The following ZDHHC20 variants were observed in gnomAD, a reference collection of about 807,000 sequenced individuals.
ZDHHC20 encodes the protein zDHHC palmitoyltransferase 20.
Under a neutral mutation model 57.8 loss-of-function variants are expected in ZDHHC20, and 43 were observed. The observed-to-expected ratio is 0.74, with a 90% confidence interval of 0.58 to 0.96. ZDHHC20 has a LOEUF of 0.96. Among genes scored for constraint, ZDHHC20 ranks in the 40% least tolerant of loss-of-function variants. ZDHHC20 has a pLI of 0.00. For missense variants in ZDHHC20, 391 were observed against 441.1 expected (o/e 0.89, Z 1.02); for synonymous variants, 157 against 153.0 (o/e 1.03, Z -0.19).
intron 3 of ZDHHC20, among the ~76,000 whole-genome samples, chr13:21,417,388 C>T (rs1338253903): frequency 6.6e-6 from 1 of 152,162 alleles, no homozygotes; most frequent in East Asian, 1.9e-4. Flanking sequence ...AAAGACACCC[C>T]ACCCGTATTT....
At chr13:21,400,314 T>C (rs1003414399) in intron 7 of ZDHHC20, 59 bp downstream of exon 7, 1 of 1,445,186 alleles carries the variant, frequency 6.9e-7, no homozygotes, top group Non-Finnish European at 9.3e-7. Flanking sequence ...AGTAATTTAT[T>C]AGGAAGATAG....
At chr13:21,432,360 C>G (rs1331008074) in intron 1 of ZDHHC20, among the ~76,000 whole-genome samples, 1 of 149,508 alleles carries the variant, frequency 6.7e-6, no homozygotes, top group Admixed American at 6.7e-5. Flanking sequence ...GACAGAGTCT[C>G]GCTCTGTAGC....
chr13:21,429,277 TA>T (rs1218476462), intron 1 of ZDHHC20, among the ~76,000 whole-genome samples: 3 of 152,208 alleles, frequency 2.0e-5, no homozygotes, highest in African/African-American at 7.2e-5. Context: ...GAAGCTCTAT[TA>T]TTTCCTTTAT....
rs79840710 is a variant in ZDHHC20 at position 21,420,748 on chromosome 13, A to C, written c.249+313T>G. On this transcript the variant is annotated intron_variant, in intron 3 of 12. Coordinates refer to ENST00000400590, the MANE Select transcript of ZDHHC20 (RefSeq NM_001330059.2). ...AAATGTTGAGAGTTTCTAAAAATAAACTCTACTTTCCTAACGCAATTCTGT... is the reference window on the plus strand; with the variant it reads ...AAATGTTGAGAGTTTCTAAAAATAACCTCTACTTTCCTAACGCAATTCTGT... Among the ~76,000 whole-genome samples the C allele has an allele frequency of 7.9e-4, 120 of 152,286 alleles. 1 individual carries two copies. The East Asian group carries it at 0.021, about 27-fold the overall frequency.
chr13:21,393,843 C>T lies in ZDHHC20; in HGVS notation c.595-1989G>A, dbSNP rs181556211. Among the ~76,000 whole-genome samples the T allele has an allele frequency of 8.0e-4, 122 of 152,150 alleles. 1 individual carries two copies. Among genetic ancestry groups the T allele is most frequent in the African/African-American group, 2.8e-3 (117 of 41,508 alleles). On this transcript the variant is annotated intron_variant, in intron 7 of 12. Transcript: ENST00000400590. ...CTGGACTACAGGCGTGAGCCACCTGCGCTGGGCCTGCAGACACATTTCAGT... is the reference window on the plus strand; with the variant it reads ...CTGGACTACAGGCGTGAGCCACCTGTGCTGGGCCTGCAGACACATTTCAGT...
Position 21,412,068 on chromosome 13 carries a change from T to C in ZDHHC20, c.370+1584A>G, listed in dbSNP as rs189510182. On this transcript the variant is annotated intron_variant, in intron 4 of 12. Transcript: ENST00000400590. Reference sequence around the variant, plus strand: ...AATGATGAAGTCTTGATAGTGGCGATTGGATGCTCTGGGCAGAGGTCTGCA... The same window carrying C: ...AATGATGAAGTCTTGATAGTGGCGACTGGATGCTCTGGGCAGAGGTCTGCA... Among the ~76,000 whole-genome samples, 587 of 152,274 alleles carry C rather than the reference T, an allele frequency of 3.9e-3. 1 individual carries two copies. Among genetic ancestry groups the C allele is most frequent in the Middle Eastern group, 6.8e-3 (2 of 294 alleles).
At chr13:21,380,486 C>T (rs917621013) in intron 11 of ZDHHC20, among the ~76,000 whole-genome samples, 2 of 151,864 alleles carry the variant, frequency 1.3e-5, no homozygotes, top group South Asian at 4.2e-4. Context: ...TAAGCAAAAG[C>T]TGGGACCCTA....
chr13:21,390,652 C>A (rs1411395767), intron 8 of ZDHHC20, among the ~76,000 whole-genome samples: 1 of 152,068 alleles, frequency 6.6e-6, no homozygotes, highest in African/African-American at 2.4e-5. Context: ...GTAATCCTAG[C>A]ATTTTGGGAG....
At chr13:21,414,016 CGTTTTTCACAAATAAAATTA>C (rs1879588294) in intron 3 of ZDHHC20, among the ~76,000 whole-genome samples, 1 of 152,038 alleles carries the variant, frequency 6.6e-6, no homozygotes, top group South Asian at 2.1e-4. Context: ...TTTCCATCTT[CGTTTTTCACAAATAAAATTA>C]AATTTCTACA....
At chr13:21,451,909 G>A (rs148290097) in intron 1 of ZDHHC20, among the ~76,000 whole-genome samples, 5,210 of 151,666 alleles carry the variant, frequency 0.034, 279 homozygotes, top group African/African-American at 0.11. Flanking sequence ...CAGGAGAATC[G>A]TTTGAACTCA....
At position 21,401,637 on chromosome 13, in the gene ZDHHC20, G is replaced by A. The variant is rs2137796930; in HGVS notation, c.473+16C>T. ...TCTCACCACCAATGCAATTTCTTCTGTTTTTTTATACATACCAAGGACAGT... is the reference window on the plus strand; with the variant it reads ...TCTCACCACCAATGCAATTTCTTCTATTTTTTTATACATACCAAGGACAGT... On this transcript the variant is annotated intron_variant, in intron 6 of 12. Coordinates refer to ENST00000400590, the MANE Select transcript of ZDHHC20 (RefSeq NM_001330059.2). 1 of 1,533,392 alleles carries A rather than the reference G, an allele frequency of 6.5e-7. No homozygotes were observed. Among genetic ancestry groups the A allele is most frequent in the East Asian group, 2.4e-5 (1 of 41,298 alleles). 95.0% of individuals were successfully genotyped at this position (1,533,392 alleles called of 1,614,324 possible).
chr13:21,433,231 G>C (rs940849066), intron 1 of ZDHHC20, among the ~76,000 whole-genome samples: 1 of 152,080 alleles, frequency 6.6e-6, no homozygotes, highest in Non-Finnish European at 1.5e-5. Context: ...AAGTAGCTAG[G>C]ACTATAGGCC....
Position 21,377,492 on chromosome 13 carries a change from CGACG to C in ZDHHC20, c.*41-841_*41-838del. On this transcript the variant is annotated intron_variant, in intron 12 of 12. Coordinates refer to ENST00000400590, the MANE Select transcript of ZDHHC20 (RefSeq NM_001330059.2). Reference sequence around the variant, plus strand: ...CTAGTGCCTGCGATCTGACTCTGCCCGACGTGACCTCCACCCCTAGTGCCTGCGA... The same window carrying C: ...CTAGTGCCTGCGATCTGACTCTGCCCTGACCTCCACCCCTAGTGCCTGCGA... 7.7e-5 allele frequency among the ~76,000 whole-genome samples: 7 copies of C among 90,366 alleles called. 1 individual carries two copies. Among genetic ancestry groups the C allele is most frequent in the African/African-American group, 3.3e-4 (7 of 20,968 alleles). 59.3% of individuals were successfully genotyped at this position (90,366 alleles called of 152,430 possible). A position where few individuals can be genotyped will look rare whatever the true frequency, so the allele number is the denominator to read the frequency against.
chr13:21,379,873 G>A (rs1872958166), intron 11 of ZDHHC20, among the ~76,000 whole-genome samples: 1 of 149,714 alleles, frequency 6.7e-6, no homozygotes, highest in African/African-American at 2.5e-5. Context: ...GGGGTGCAGT[G>A]GTGCAATCTT....
chr13:21,391,991 G>T, intron 7 of ZDHHC20, 137 bp from the exon 8 acceptor site: 2 of 964,028 alleles, frequency 2.1e-6, no homozygotes, highest in Non-Finnish European at 3.0e-6. Context: ...ATATCCCAAT[G>T]CAACAAGGGC....
intron 10 of ZDHHC20, among the ~76,000 whole-genome samples, chr13:21,382,312 TCTC>T (rs1873563446): frequency 6.6e-6 from 1 of 152,172 alleles, no homozygotes; most frequent in African/African-American, 2.4e-5. Flanking sequence ...CATTTTCTCT[TCTC>T]CTACAACTTA....
At chr13:21,401,786 T>C in intron 5 of ZDHHC20, 101 bp from the exon 6 acceptor site, 1 of 1,070,374 alleles carries the variant, frequency 9.3e-7, no homozygotes, top group Non-Finnish European at 1.3e-6. Flanking sequence ...CCTTTACAAC[T>C]ACATCTTAAG....
chr13:21,426,827 G>A (rs1463708883), intron 1 of ZDHHC20, among the ~76,000 whole-genome samples: 1 of 152,026 alleles, frequency 6.6e-6, no homozygotes, highest in Non-Finnish European at 1.5e-5. Flanking sequence ...GGCTGGTCTC[G>A]AACTCCTGAC....
At chr13:21,392,212 TAAAA>T (rs34810017) in intron 7 of ZDHHC20, among the ~76,000 whole-genome samples, 2 of 95,802 alleles carry the variant, frequency 2.1e-5, no homozygotes, top group African/African-American at 6.8e-5. Context: ...CCCTGTCTCA[TAAAA>T]AAAAAAAAAA....
Sources: gnomAD v4.1 joint callset for allele counts (sites outside exome capture counted in the v4.1 genomes callset) on GRCh38, gnomAD v4.1.1 for gene constraint, MANE v1.5 for transcripts, NCBI Gene and HGNC (gene_info 2026-07-23, HGNC 2026-07-21) for gene names.